The following SYT14 variants were observed in gnomAD, a reference collection of about 807,000 sequenced individuals.
The protein encoded by SYT14 is synaptotagmin 14, also known as synaptotagmin-14.
A neutral mutation model predicts 74.2 loss-of-function variants in SYT14; 32 were observed. That is an observed-to-expected ratio of 0.43 (90% CI 0.33 to 0.58). The LOEUF is 0.58. Among genes scored for constraint, SYT14 ranks in the 20% least tolerant of loss-of-function variants. The probability of loss-of-function intolerance (pLI) is 0.05; values close to 1 mark genes in which losing one functional copy is unlikely to be tolerated. For synonymous variants in SYT14, 298 were observed against 337.7 expected, an observed-to-expected ratio of 0.88 and a Z score of 1.29; for missense variants, 791 against 981.8, an observed-to-expected ratio of 0.81 and a Z score of 2.60.
chr1:209,965,846 A>T (rs557881959), intron 2 of SYT14: 4 of 444,078 alleles, frequency 9.0e-6, no homozygotes, highest in South Asian at 6.5e-5. Context: ...AAATCAATAG[A>T]TTATATATTT....
chr1:209,998,972 C>T (rs905264567), intron 2 of SYT14, among the ~76,000 whole-genome samples: 4 of 152,014 alleles, frequency 2.6e-5, no homozygotes, highest in Admixed American at 6.6e-5. Flanking sequence ...AGCTTCTGCA[C>T]AGCAAAGAAA....
chr1:210,132,304 T>G (rs1422182657), intron 7 of SYT14, among the ~76,000 whole-genome samples: 4 of 152,020 alleles, frequency 2.6e-5, no homozygotes, highest in Non-Finnish European at 5.9e-5. Flanking sequence ...CTTCCCATCC[T>G]GGCATGGACA....
chr1:210,123,717 G>A (rs993349760), intron 7 of SYT14, among the ~76,000 whole-genome samples: 1 of 152,058 alleles, frequency 6.6e-6, no homozygotes, highest in African/African-American at 2.4e-5. Context: ...AGAGTTTTTT[G>A]GGGAATGTAT....
chr1:210,113,906 C>T (rs778524015), intron 7 of SYT14, among the ~76,000 whole-genome samples: 19 of 151,258 alleles, frequency 1.3e-4, no homozygotes, highest in Admixed American at 2.0e-4. Flanking sequence ...TCAATACCCA[C>T]AACAGTTATG....
At chr1:210,100,751 G>A (rs1416317204) in intron 7 of SYT14, among the ~76,000 whole-genome samples, 2 of 151,974 alleles carry the variant, frequency 1.3e-5, no homozygotes, top group Non-Finnish European at 2.9e-5. Context: ...TTTATTAAAT[G>A]TTTGATTATG....
At chr1:210,133,437 G>A (rs2082717271) in intron 7 of SYT14, among the ~76,000 whole-genome samples, 1 of 152,212 alleles carries the variant, frequency 6.6e-6, no homozygotes, top group Non-Finnish European at 1.5e-5. Flanking sequence ...AATAAGAAAT[G>A]AGTTAATAGA....
chr1:210,087,849 G>GC (rs2102502500), intron 5 of SYT14, among the ~76,000 whole-genome samples: 1 of 152,194 alleles, frequency 6.6e-6, no homozygotes, highest in Admixed American at 6.5e-5. Flanking sequence ...GGCTTCCTTT[G>GC]CCACCATCAG....
intron 2 of SYT14, among the ~76,000 whole-genome samples, chr1:209,964,315 A>G (rs564414972): frequency 2.6e-5 from 4 of 152,262 alleles, no homozygotes; most frequent in South Asian, 2.1e-4. Context: ...CTGTGAGTCA[A>G]TTAAACTTCC....
At chr1:210,059,486 A>AGAGAGAGAGG (rs2102406995) in intron 5 of SYT14, among the ~76,000 whole-genome samples, 1 of 148,444 alleles carries the variant, frequency 6.7e-6, no homozygotes, top group South Asian at 2.1e-4. Flanking sequence ...AGAGAGAGAG[A>AGAGAGAGAGG]GACATGAATA....
chr1:209,994,206 T>C (rs1386213657), intron 2 of SYT14, among the ~76,000 whole-genome samples: 1 of 152,194 alleles, frequency 6.6e-6, no homozygotes, highest in African/African-American at 2.4e-5. Context: ...GGGATGCTCA[T>C]TGAGATTCAG....
intron 5 of SYT14, among the ~76,000 whole-genome samples, chr1:210,035,046 C>A (rs1242245291): frequency 8.6e-5 from 13 of 151,816 alleles, no homozygotes; most frequent in Non-Finnish European, 1.9e-4. Flanking sequence ...TTTCAGAAAT[C>A]TACATACTGT....
intron 1 of SYT14, among the ~76,000 whole-genome samples, chr1:209,941,661 A>G (rs2078732520): frequency 6.6e-6 from 1 of 152,162 alleles, no homozygotes; most frequent in African/African-American, 2.4e-5. Context: ...CCGTAATTGC[A>G]CGCATTGAAC....
At chr1:209,973,060 G>A (rs1426825833) in intron 2 of SYT14, among the ~76,000 whole-genome samples, 1 of 151,852 alleles carries the variant, frequency 6.6e-6, no homozygotes, top group Non-Finnish European at 1.5e-5. Flanking sequence ...GGATAGTTAA[G>A]TCTTGTTTAA....
chr1:209,942,689 A>C (rs1432061898), intron 1 of SYT14, among the ~76,000 whole-genome samples: 1 of 151,992 alleles, frequency 6.6e-6, no homozygotes, highest in East Asian at 1.9e-4. Flanking sequence ...GTTTCTTAAA[A>C]CCTCAAGATA....
At chr1:209,961,667 T>C (rs1418706715) in intron 2 of SYT14, among the ~76,000 whole-genome samples, 1 of 152,128 alleles carries the variant, frequency 6.6e-6, no homozygotes, top group Non-Finnish European at 1.5e-5. Flanking sequence ...ATTATTATCT[T>C]ACTGAAGAAG....
chr1:209,956,731 C>T (rs1328296072), intron 2 of SYT14, among the ~76,000 whole-genome samples: 1 of 152,078 alleles, frequency 6.6e-6, no homozygotes, highest in Admixed American at 6.5e-5. Context: ...TCTATATATG[C>T]TAATGGTGAC....
intron 2 of SYT14, among the ~76,000 whole-genome samples, chr1:209,980,143 T>C (rs1368693451): frequency 2.0e-5 from 3 of 152,242 alleles, no homozygotes; most frequent in Non-Finnish European, 2.9e-5. Flanking sequence ...TTTTTAATTA[T>C]AGCTGTTCTT....
At chr1:209,977,116 G>C (rs952197859) in intron 2 of SYT14, among the ~76,000 whole-genome samples, 1 of 152,066 alleles carries the variant, frequency 6.6e-6, no homozygotes, top group South Asian at 2.1e-4. Flanking sequence ...ACGTGAGATG[G>C]GTTCCCTGAA....
At chr1:209,960,765 TG>T (rs1328303403) in intron 2 of SYT14, among the ~76,000 whole-genome samples, 1 of 152,192 alleles carries the variant, frequency 6.6e-6, no homozygotes, top group East Asian at 1.9e-4. Flanking sequence ...AGGATGTGCA[TG>T]GTAGTGGTAG....
Sources: allele counts gnomAD v4.1 joint callset (sites outside exome capture counted in the v4.1 genomes callset), GRCh38; gene constraint gnomAD v4.1.1; transcripts MANE v1.5; gene names NCBI Gene and HGNC (gene_info 2026-07-23, HGNC 2026-07-21).